Variants in CHCHD6 observed in about 807,000 individuals in gnomAD.
CHCHD6 encodes MICOS complex subunit MIC25.
A neutral mutation model predicts 32.3 loss-of-function variants in CHCHD6; 28 were observed. The observed-to-expected ratio is 0.87, with a 90% CI of 0.64 to 1.19. The LOEUF (loss-of-function observed/expected upper bound fraction) is 1.19, where lower values mean the gene tolerates loss of function less well. CHCHD6 is among the 50% of genes most tolerant of loss of function. The pLI is 0.00. For missense variants in CHCHD6, 333 were observed against 307.0 expected (o/e 1.08, Z -0.63); for synonymous variants, 122 against 117.5 (o/e 1.04, Z -0.25).
intron 4 of CHCHD6, among the ~76,000 whole-genome samples, chr3:126,782,071 G>A (rs900202565): frequency 6.6e-6 from 1 of 152,170 alleles, no homozygotes; most frequent in Admixed American, 6.5e-5. Context: ...GTAGTCATTC[G>A]TGTGTTTAAT....
At chr3:126,755,325 A>G (rs13319057) in intron 4 of CHCHD6, among the ~76,000 whole-genome samples, 14,604 of 152,164 alleles carry the variant, frequency 0.096, 1,884 homozygotes, top group African/African-American at 0.3. Flanking sequence ...AGGGCAGCCC[A>G]AGGCCCAGGG....
intron 4 of CHCHD6, among the ~76,000 whole-genome samples, chr3:126,805,922 A>C (rs888502838): frequency 1.3e-5 from 2 of 152,252 alleles, no homozygotes; most frequent in African/African-American, 2.4e-5. Flanking sequence ...TTGATCTTTG[A>C]CAAACCTGAG....
At chr3:126,788,617 G>A (rs1017286892) in intron 4 of CHCHD6, among the ~76,000 whole-genome samples, 4 of 152,148 alleles carry the variant, frequency 2.6e-5, no homozygotes, top group Non-Finnish European at 5.9e-5. Flanking sequence ...TTGTGTAGAA[G>A]TGTTTATAGT....
At chr3:126,888,991 A>G (rs1471535856) in intron 5 of CHCHD6, among the ~76,000 whole-genome samples, 3 of 152,174 alleles carry the variant, frequency 2.0e-5, no homozygotes, top group African/African-American at 7.2e-5. Context: ...GTGGAGACAC[A>G]TAAAACAGGC....
chr3:126,877,210 T>C (rs2077550262), intron 5 of CHCHD6, among the ~76,000 whole-genome samples: 1 of 152,192 alleles, frequency 6.6e-6, no homozygotes, highest in African/African-American at 2.4e-5. Context: ...TTGAGTAGAC[T>C]TTTTATATAT....
At chr3:126,806,713 A>T (rs1295949524) in intron 4 of CHCHD6, among the ~76,000 whole-genome samples, 1 of 152,178 alleles carries the variant, frequency 6.6e-6, no homozygotes, top group East Asian at 1.9e-4. Context: ...TACCCAAAGG[A>T]CTATAAATCA....
At chr3:126,771,452 G>A (rs186117125) in intron 4 of CHCHD6, among the ~76,000 whole-genome samples, 68 of 151,786 alleles carry the variant, frequency 4.5e-4, no homozygotes, top group South Asian at 1.7e-3. Flanking sequence ...ATCTTGATCC[G>A]CCCACCTCGG....
chr3:126,861,921 C>A (rs1181632234), intron 5 of CHCHD6, among the ~76,000 whole-genome samples: 2 of 94,450 alleles, frequency 2.1e-5, no homozygotes, highest in African/African-American at 8.2e-5. Context: ...CCACCTCCCC[C>A]TTCACTACCA....
At chr3:126,735,735 C>A (rs554445030) in intron 4 of CHCHD6, among the ~76,000 whole-genome samples, 2 of 152,184 alleles carry the variant, frequency 1.3e-5, no homozygotes, top group African/African-American at 4.8e-5. Context: ...ATATCTTTTG[C>A]CATCTCCTAC....
At chr3:126,708,679 A>T (rs1390744603) in intron 1 of CHCHD6, among the ~76,000 whole-genome samples, 2 of 150,070 alleles carry the variant, frequency 1.3e-5, no homozygotes, top group Admixed American at 6.7e-5. Context: ...CTTTATTGGG[A>T]TGCATCATTT....
At chr3:126,765,218 C>A (rs1322095206) in intron 4 of CHCHD6, among the ~76,000 whole-genome samples, 1 of 152,234 alleles carries the variant, frequency 6.6e-6, no homozygotes, top group Admixed American at 6.5e-5. Flanking sequence ...TCATCTCCCC[C>A]ATAAGCACCA....
intron 1 of CHCHD6, among the ~76,000 whole-genome samples, chr3:126,719,216 G>A (rs763889369): frequency 1.1e-4 from 16 of 152,200 alleles, no homozygotes; most frequent in Non-Finnish European, 1.8e-4. Flanking sequence ...CCGGCCTTCT[G>A]TGGGGCCCTC....
chr3:126,898,192 A>C (rs2077868440), intron 5 of CHCHD6, among the ~76,000 whole-genome samples: 1 of 152,258 alleles, frequency 6.6e-6, no homozygotes, highest in African/African-American at 2.4e-5. Context: ...GTCCTTCCAA[A>C]GTCAGGCTGG....
intron 1 of CHCHD6, among the ~76,000 whole-genome samples, chr3:126,707,273 A>T (rs1216489836): frequency 6.6e-6 from 1 of 152,090 alleles, no homozygotes. Flanking sequence ...AAAAAAAAAA[A>T]AAAAAAGATT....
At chr3:126,725,273 T>C (rs4679287) in intron 1 of CHCHD6, among the ~76,000 whole-genome samples, 32,180 of 152,204 alleles carry the variant, frequency 0.21, 3,691 homozygotes, top group South Asian at 0.35. Flanking sequence ...GGCATGAAAA[T>C]AACATTCATC....
chr3:126,885,087 G>C (rs1000677744), intron 5 of CHCHD6, among the ~76,000 whole-genome samples: 15 of 152,194 alleles, frequency 9.9e-5, no homozygotes, highest in Non-Finnish European at 4.4e-5. Context: ...TAGAAAGCCA[G>C]TTCTGAGACT....
At chr3:126,832,492 G>A (rs1260290957) in intron 4 of CHCHD6, among the ~76,000 whole-genome samples, 1 of 152,120 alleles carries the variant, frequency 6.6e-6, no homozygotes, top group Non-Finnish European at 1.5e-5. Flanking sequence ...TGGAATAGAT[G>A]ATGAAAGCTG....
chr3:126,813,589 A>G (rs1341617116), intron 4 of CHCHD6, among the ~76,000 whole-genome samples: 1 of 152,218 alleles, frequency 6.6e-6, no homozygotes, highest in Non-Finnish European at 1.5e-5. Context: ...TGAGAAAGGC[A>G]TTAGTTTTTG....
At chr3:126,709,354 T>C (rs1331350753) in intron 1 of CHCHD6, among the ~76,000 whole-genome samples, 2 of 152,256 alleles carry the variant, frequency 1.3e-5, no homozygotes, top group African/African-American at 4.8e-5. Flanking sequence ...ATGTATATAC[T>C]GCATTTGGCT....
Sources: gnomAD v4.1 joint callset for allele counts (sites outside exome capture counted in the v4.1 genomes callset) on GRCh38, gnomAD v4.1.1 for gene constraint, MANE v1.5 for transcripts, NCBI Gene and HGNC (gene_info 2026-07-23, HGNC 2026-07-21) for gene names.